Variants in CLASP2 observed in about 807,000 individuals in gnomAD.
CLASP2 encodes the protein CLIP-associating protein 2.
Under a neutral mutation model 194.4 loss-of-function variants are expected in CLASP2, and 47 were observed. The observed-to-expected ratio is 0.24, with a 90% CI of 0.19 to 0.31. The LOEUF is 0.31. CLASP2 is among the 10% of genes least tolerant of loss of function. CLASP2 has a pLI of 1.00. For synonymous variants in CLASP2, 619 were observed against 633.5 expected, an observed-to-expected ratio of 0.98 and a Z score of 0.34; for missense variants, 1,445 against 1,823.6, an observed-to-expected ratio of 0.79 and a Z score of 3.78.
intron 36 of CLASP2, 44 bp downstream of exon 36, chr3:33,515,971 TGTTTCATG>T: frequency 6.5e-7 from 1 of 1,534,190 alleles, no homozygotes; most frequent in South Asian, 1.3e-5. Flanking sequence ...AATGGTTACA[TGTTTCATG>T]AAATAAAATA....
chr3:33,658,929 G>A, intron 7 of CLASP2: 1 of 1,468,112 alleles, frequency 6.8e-7, no homozygotes, highest in Non-Finnish European at 9.2e-7. Flanking sequence ...ACCTTAAAAG[G>A]AAGTGTATAA....
chr3:33,574,802 T>C (rs1176226640), intron 24 of CLASP2, among the ~76,000 whole-genome samples: 2 of 152,168 alleles, frequency 1.3e-5, no homozygotes, highest in African/African-American at 4.8e-5. Context: ...TATGATTTTC[T>C]CCAGCACAAA....
At chr3:33,701,905 C>T (rs933283235) in intron 1 of CLASP2, among the ~76,000 whole-genome samples, 1 of 151,940 alleles carries the variant, frequency 6.6e-6, no homozygotes, top group African/African-American at 2.4e-5. Context: ...CTGGAGTACA[C>T]AAATAATTCT....
At position 33,559,337 on chromosome 3, in the gene CLASP2, T is replaced by C. The variant is rs371638502; in HGVS notation, c.2979A>G (p.Thr993=). The C allele has an allele frequency of 2.9e-5, 47 of 1,597,936 alleles. No individual in the cohort carries two copies. Among genetic ancestry groups the C allele is most frequent in the Non-Finnish European group, 3.8e-5 (45 of 1,169,852 alleles). ...AGCTTGGTGTCTGGGTCTGATCAAC[T>C]GTAAATCTCATTAGAATATTGAACT... The part of the protein sequence containing the change: ...DLQFNILMRF[T]VDQTQTPSLK... Residue 993 remains threonine (T), a synonymous_variant, in exon 29 of 39, where the codon ACA becomes ACG. Coordinates refer to ENST00000682230, the MANE Select transcript of CLASP2 (RefSeq NM_001365631.1).
At chr3:33,701,811 T>G in intron 1 of CLASP2, among the ~76,000 whole-genome samples, 1 of 152,100 alleles carries the variant, frequency 6.6e-6, no homozygotes, top group Non-Finnish European at 1.5e-5. Flanking sequence ...TTTACAAAAA[T>G]CAACTCAAAA....
intron 26 of CLASP2, among the ~76,000 whole-genome samples, chr3:33,569,576 G>C (rs909941893): frequency 2.0e-4 from 30 of 152,036 alleles, no homozygotes; most frequent in African/African-American, 7.2e-4. Context: ...TGTAATCAGT[G>C]ATAGCAATAT....
At chr3:33,514,375 T>A (rs1203245446) in intron 36 of CLASP2, among the ~76,000 whole-genome samples, 2 of 152,206 alleles carry the variant, frequency 1.3e-5, no homozygotes, top group Non-Finnish European at 2.9e-5. Flanking sequence ...AAATTGTGTT[T>A]TCTGTTGTTG....
intron 20 of CLASP2, 141 bp from the exon 21 acceptor site, chr3:33,592,637 A>T (rs1201603603): frequency 1.4e-6 from 1 of 726,952 alleles, no homozygotes; most frequent in African/African-American, 1.8e-5. Context: ...ATTTCTCTTA[A>T]AAATTTTATA....
At chr3:33,502,633 T>C (rs1322845233) in intron 37 of CLASP2, 4 of 152,312 alleles carry the variant, frequency 2.6e-5, no homozygotes, top group Admixed American at 6.5e-5. Flanking sequence ...TCTATTTCAA[T>C]ACTCTACAGC....
At chr3:33,617,656 C>T (rs2076414084) in intron 12 of CLASP2, among the ~76,000 whole-genome samples, 1 of 151,796 alleles carries the variant, frequency 6.6e-6, no homozygotes, top group African/African-American at 2.4e-5. Flanking sequence ...AATACCACAA[C>T]ATATGCAACA....
chr3:33,537,000 TAG>T (rs1345261675), intron 33 of CLASP2, among the ~76,000 whole-genome samples: 4 of 152,228 alleles, frequency 2.6e-5, no homozygotes, highest in Non-Finnish European at 5.9e-5. Flanking sequence ...CTGAGCTGAA[TAG>T]AGTCATAGGA....
chr3:33,606,668 A>T lies in CLASP2; in HGVS notation c.1617T>A (p.Thr539=). 7 of 1,613,372 alleles carry T rather than the reference A, an allele frequency of 4.3e-6. No homozygotes were observed. Among genetic ancestry groups the T allele is most frequent in the Middle Eastern group, 3.3e-4 (2 of 6,062 alleles). Residue 539 remains threonine (T), a synonymous_variant, in exon 16 of 39, where the codon ACT becomes ACA. Transcript: ENST00000682230. ...LEPSYQKSLQ[T]YLKSSGSVAS... ...CTACACTGCCAGAACTCTTTAAGTA[A>T]GTTTGAAGACTCTTCTGATAAGATG...
chr3:33,581,139 T>C (rs1427379551), intron 23 of CLASP2, among the ~76,000 whole-genome samples: 1 of 151,992 alleles, frequency 6.6e-6, no homozygotes, highest in African/African-American at 2.4e-5. Context: ...GCAGAAATTC[T>C]AAAGATTCTC....
chr3:33,644,841 A>C lies in CLASP2; in HGVS notation c.778T>G (p.Phe260Val). 6.2e-7 allele frequency: 1 copy of C among 1,611,288 alleles called. No individual in the cohort carries two copies. The highest frequency in any genetic ancestry group is 8.5e-7 in the Non-Finnish European group (1 of 1,178,604). Residue 260 changes from phenylalanine to valine, a missense_variant, in exon 8 of 39, where the codon TTC becomes GTC. Physicochemically the swap from Phe to Val is conservative, Grantham distance 50. This residue lies in a region of CLASP2 where 332 missense variants were observed against 325.3 expected (regional missense o/e 1.02). Transcript: ENST00000682230. ...GNRPSSAASA[F>V]KVPAPKTSGN... ...GATGTTTTAGGTGCAGGAACCTTGA[A>C]GGCTGATGCAGCTGATGATGGCCTA...
At chr3:33,582,265 G>T (rs193074646) in intron 22 of CLASP2, among the ~76,000 whole-genome samples, 6 of 152,120 alleles carry the variant, frequency 3.9e-5, no homozygotes, top group Non-Finnish European at 8.8e-5. Flanking sequence ...TGGTATCTTA[G>T]GTTAAAATCT....
At chr3:33,685,250 G>A (rs535274230) in intron 5 of CLASP2, among the ~76,000 whole-genome samples, 1 of 145,656 alleles carries the variant, frequency 6.9e-6, no homozygotes, top group East Asian at 2.1e-4. Context: ...GCCGAGGCAG[G>A]AGAATCGCTT....
At chr3:33,554,260 T>C (rs1335046824) in intron 29 of CLASP2, among the ~76,000 whole-genome samples, 1 of 149,246 alleles carries the variant, frequency 6.7e-6, no homozygotes, top group South Asian at 2.1e-4. Flanking sequence ...TCAACCTAAG[T>C]GTCTATCAAT....
intron 16 of CLASP2, among the ~76,000 whole-genome samples, chr3:33,605,959 A>G (rs1349548383): frequency 6.6e-6 from 1 of 152,154 alleles, no homozygotes; most frequent in Non-Finnish European, 1.5e-5. Flanking sequence ...ATCTGCAGAT[A>G]CATGGCACAG....
At chr3:33,510,436 T>C in intron 37 of CLASP2, 122 bp downstream of exon 37, 1 of 887,748 alleles carries the variant, frequency 1.1e-6, no homozygotes, top group South Asian at 1.7e-5. Context: ...GTCTTTGTCC[T>C]GAATATTGCA....
Sources: gnomAD v4.1 joint callset for allele counts (sites outside exome capture counted in the v4.1 genomes callset) on GRCh38, gnomAD v4.1.1 for gene constraint, gnomAD v4.1.1 regional missense constraint, MANE v1.5 for transcripts, NCBI Gene and HGNC (gene_info 2026-07-23, HGNC 2026-07-21) for gene names.